UGT2A3: variants seen among roughly 807,000 people sequenced by gnomAD.
The protein encoded by UGT2A3 is UDP-glucuronosyltransferase 2A3.
In UGT2A3, 55 loss-of-function variants were observed where a neutral mutation model predicts 44.1. That is an observed-to-expected ratio of 1.25 (90% CI 1.00 to 1.56). The LOEUF (loss-of-function observed/expected upper bound fraction) is 1.56, where lower values mean the gene tolerates loss of function less well. UGT2A3 is among the 40% of genes most tolerant of loss of function. The pLI is 0.00. For missense variants in UGT2A3, 733 were observed against 621.6 expected, an observed-to-expected ratio of 1.18 and a Z score of -1.91; for synonymous variants, 243 against 215.1, an observed-to-expected ratio of 1.13 and a Z score of -1.13.
chr4:68,932,592 G>A, intron 3 of UGT2A3, 36 bp downstream of exon 3: 1 of 1,584,894 alleles, frequency 6.3e-7, no homozygotes, highest in Non-Finnish European at 8.6e-7. Context: ...TTCATTATGT[G>A]AATAGCTGCT....
At chr4:68,945,166 C>T (rs2109792739) in intron 2 of UGT2A3, 140 bp downstream of exon 2, 2 of 861,994 alleles carry the variant, frequency 2.3e-6, no homozygotes, top group Non-Finnish European at 3.6e-6. Flanking sequence ...CTATAAGAGC[C>T]CCTGTGGCAT....
chr4:68,939,795 C>A (rs907679006), intron 2 of UGT2A3, among the ~76,000 whole-genome samples: 1 of 151,880 alleles, frequency 6.6e-6, no homozygotes, highest in Non-Finnish European at 1.5e-5. Context: ...TGCAATCTAC[C>A]CATCTGACAA....
intron 2 of UGT2A3, among the ~76,000 whole-genome samples, chr4:68,933,787 CA>C (rs754016646): frequency 6.6e-6 from 1 of 152,032 alleles, no homozygotes; most frequent in African/African-American, 2.4e-5. Flanking sequence ...TAAGTTCTGG[CA>C]CAGCATTATG....
chr4:68,939,970 G>A (rs1363235904), intron 2 of UGT2A3, among the ~76,000 whole-genome samples: 3 of 152,168 alleles, frequency 2.0e-5, no homozygotes, highest in Admixed American at 6.5e-5. Flanking sequence ...CTGGTCATCA[G>A]AGAAATGCAA....
At chr4:68,940,041 G>A (rs1486148043) in intron 2 of UGT2A3, among the ~76,000 whole-genome samples, 1 of 152,042 alleles carries the variant, frequency 6.6e-6, no homozygotes, top group African/African-American at 2.4e-5. Flanking sequence ...TAAAAAGTCA[G>A]GAAACAACAG....
Position 68,945,351 on chromosome 4 carries a change from C to G in UGT2A3, c.819G>C (p.Glu273Asp), listed in dbSNP as rs1718345005. The change falls in exon 2 of 6, where the codon GAG becomes GAC. Residue 273 changes from glutamate (E) to aspartate (D), a missense_variant. By Grantham distance (45) the Glu-to-Asp change is conservative. Transcript: ENST00000251566. ...GTTTACAGTGCAATCCTCCAACAAA[C>G]TCAAAGTTAGGTTGGTATGGTTGAG... ...EFPQPYQPNF[E>D]FVGGLHCKPA... The G allele has an allele frequency of 6.2e-7, 1 of 1,611,390 alleles. No homozygotes were observed. Among genetic ancestry groups the G allele is most frequent in the South Asian group, 1.1e-5 (1 of 90,992 alleles).
intron 1 of UGT2A3, 123 bp downstream of exon 1, chr4:68,950,923 A>G: frequency 1.5e-6 from 1 of 645,780 alleles, no homozygotes; most frequent in Non-Finnish European, 2.4e-6. Flanking sequence ...TTTATGAAAA[A>G]CAGCTACAAC....
intron 2 of UGT2A3, among the ~76,000 whole-genome samples, chr4:68,935,653 T>C (rs1432707211): frequency 1.3e-5 from 2 of 151,900 alleles, no homozygotes; most frequent in Non-Finnish European, 1.5e-5. Flanking sequence ...GCGCCACTAC[T>C]CCTCCAAAGG....
intron 1 of UGT2A3, among the ~76,000 whole-genome samples, chr4:68,945,680 G>A (rs780827832): frequency 1.4e-5 from 2 of 147,654 alleles, no homozygotes; most frequent in East Asian, 2.0e-4. Flanking sequence ...AGGAAGAAAG[G>A]AAGGAAGGAA....
rs569667912 is a variant in UGT2A3 at position 68,932,670 on chromosome 4, C to T, written c.954G>A (p.Lys318=). The T allele has an allele frequency of 1.5e-4, 243 of 1,611,574 alleles. 1 individual carries two copies. Among genetic ancestry groups the T allele is most frequent in the Admixed American group, 8.2e-4 (49 of 59,866 alleles). ...GSLFQNVTEE[K]ANIIASALAQ... is the part of the protein sequence containing the mutation. Reference sequence around the variant, plus strand: ...CAAGGGCTGAAGCAATGATATTAGCCTTTTCTTCTGTAACATTTTGAAACA... The same window carrying T: ...CAAGGGCTGAAGCAATGATATTAGCTTTTTCTTCTGTAACATTTTGAAACA... The change falls in exon 3 of 6, where the codon AAG becomes AAA. Residue 318 remains lysine, a synonymous_variant. Transcript: ENST00000251566.
At chr4:68,932,507 TA>T in intron 3 of UGT2A3, 120 bp downstream of exon 3, 1 of 1,140,550 alleles carries the variant, frequency 8.8e-7, no homozygotes, top group Non-Finnish European at 1.2e-6. Context: ...TACACTACTA[TA>T]ATGTTTTGCA....
chr4:68,935,247 G>C (rs1476310471), intron 2 of UGT2A3, among the ~76,000 whole-genome samples: 2 of 134,266 alleles, frequency 1.5e-5, no homozygotes, highest in Non-Finnish European at 3.2e-5. Flanking sequence ...TCCCACACCA[G>C]ACAAGGAGGT....
At chr4:68,935,281 T>C (rs1335780488) in intron 2 of UGT2A3, among the ~76,000 whole-genome samples, 1 of 68,692 alleles carries the variant, frequency 1.5e-5, no homozygotes. Flanking sequence ...TGTATGTATA[T>C]ATATATATAT....
At chr4:68,942,542 T>A (rs1278044287) in intron 2 of UGT2A3, among the ~76,000 whole-genome samples, 1 of 146,098 alleles carries the variant, frequency 6.8e-6, no homozygotes, top group African/African-American at 2.5e-5. Flanking sequence ...TATATATACA[T>A]TTTCCAATGT....
chr4:68,944,358 C>T (rs1026424279), intron 2 of UGT2A3, among the ~76,000 whole-genome samples: 64 of 151,888 alleles, frequency 4.2e-4, no homozygotes, highest in African/African-American at 1.4e-3. Flanking sequence ...AGATTATGAA[C>T]ATCCATGACT....
rs146928827 is a variant in UGT2A3 at position 68,951,340 on chromosome 4, T to C, written c.421A>G (p.Thr141Ala). 17 of 1,612,588 alleles carry C rather than the reference T, an allele frequency of 1.1e-5. No individual in the cohort carries two copies. The highest frequency in any genetic ancestry group is 1.3e-5 in the Non-Finnish European group (15 of 1,179,278). ...NQTLMKKLQE[T>A]NYDVMLIDPV... ...TCTATAAGCATTACATCGTAGTTGG[T>C]TTCCTGTAGCTTCTTCATAAGCGTC... The change falls in exon 1 of 6, where the codon ACC (threonine) becomes GCC (alanine). Residue 141 changes from threonine (T) to alanine (A), a missense_variant. Physicochemically the swap from Thr to Ala is moderately conservative, Grantham distance 58. Coordinates refer to ENST00000251566, the MANE Select transcript of UGT2A3 (RefSeq NM_024743.4).
chr4:68,949,843 T>C (rs1206693390), intron 1 of UGT2A3, among the ~76,000 whole-genome samples: 1 of 151,876 alleles, frequency 6.6e-6, no homozygotes, highest in African/African-American at 2.4e-5. Context: ...ATTTAGTAAG[T>C]TGGAGCTACA....
At chr4:68,950,994 TA>T in intron 1 of UGT2A3, 51 bp downstream of exon 1, 1 of 1,318,198 alleles carries the variant, frequency 7.6e-7, no homozygotes, top group Non-Finnish European at 1.0e-6. Context: ...TGACAATTTT[TA>T]AAAATATTTC....
At chr4:68,934,634 G>A (rs1006547915) in intron 2 of UGT2A3, among the ~76,000 whole-genome samples, 1 of 151,918 alleles carries the variant, frequency 6.6e-6, no homozygotes, top group Non-Finnish European at 1.5e-5. Flanking sequence ...CATTTTCAGA[G>A]ACAGAGGCTG....
Sources: gnomAD v4.1 joint callset for allele counts (sites outside exome capture counted in the v4.1 genomes callset) on GRCh38, gnomAD v4.1.1 for gene constraint, MANE v1.5 for transcripts, NCBI Gene and HGNC (gene_info 2026-07-23, HGNC 2026-07-21) for gene names.